The following C17orf67 variants were observed in gnomAD, a reference collection of about 807,000 sequenced individuals.
C17orf67 encodes the protein uncharacterized protein C17orf67.
In C17orf67, 12 loss-of-function variants were observed where a neutral mutation model predicts 11.2. The ratio of observed to expected loss-of-function variants is 1.07; its 90% CI spans 0.68 to 1.73. The LOEUF (loss-of-function observed/expected upper bound fraction) is 1.73, where lower values mean the gene tolerates loss of function less well. Among genes scored for constraint, C17orf67 ranks in the 40% most tolerant of loss-of-function variants. The probability of loss-of-function intolerance (pLI) is 0.00; values close to 1 mark genes in which losing one functional copy is unlikely to be tolerated. For synonymous variants in C17orf67, 59 were observed against 46.9 expected (o/e 1.26, Z -1.05); for missense variants, 115 against 113.5 (o/e 1.01, Z -0.06).
At chr17:56,815,027 C>T (rs1905725234) in intron 5 of C17orf67, 58 bp from the exon 6 acceptor site, 1 of 1,397,426 alleles carries the variant, frequency 7.2e-7, no homozygotes, top group Non-Finnish European at 1.0e-6. Context: ...CATGAGCCAT[C>T]TCAACAGTCC....
intron 6 of C17orf67, among the ~76,000 whole-genome samples, chr17:56,806,721 G>C (rs1335227068): frequency 2.0e-5 from 3 of 152,204 alleles, no homozygotes; most frequent in Non-Finnish European, 4.4e-5. Context: ...GAGTAAGACA[G>C]GAAGTCATTG....
intron 4 of C17orf67, among the ~76,000 whole-genome samples, chr17:56,823,528 G>T (rs1905955182): frequency 1.3e-5 from 2 of 152,056 alleles, no homozygotes; most frequent in African/African-American, 4.8e-5. Context: ...TGTAAAAAAG[G>T]AATGTTCAGA....
intron 6 of C17orf67, among the ~76,000 whole-genome samples, chr17:56,808,774 A>G (rs2144126051): frequency 6.6e-6 from 1 of 152,276 alleles, no homozygotes; most frequent in Non-Finnish European, 1.5e-5. Context: ...ACAGAAGCCA[A>G]CCTCTGCCAA....
intron 4 of C17orf67, among the ~76,000 whole-genome samples, chr17:56,823,660 G>C (rs1905959041): frequency 6.6e-6 from 1 of 151,342 alleles, no homozygotes; most frequent in South Asian, 2.1e-4. Flanking sequence ...AAATGAGGAG[G>C]AAAGTTTTAA....
At chr17:56,808,121 T>A (rs2144125370) in intron 6 of C17orf67, among the ~76,000 whole-genome samples, 1 of 152,204 alleles carries the variant, frequency 6.6e-6, no homozygotes, top group East Asian at 1.9e-4. Context: ...CCAATTTCTC[T>A]ACCCCTGCCA....
chr17:56,821,865 A>C (rs140293096), intron 4 of C17orf67, among the ~76,000 whole-genome samples: 55 of 152,346 alleles, frequency 3.6e-4, no homozygotes, highest in African/African-American at 1.3e-3. Flanking sequence ...GGTGGCAGAC[A>C]TGACACTAAC....
At chr17:56,807,242 G>A (rs999958024) in intron 6 of C17orf67, among the ~76,000 whole-genome samples, 4 of 152,166 alleles carry the variant, frequency 2.6e-5, no homozygotes, top group Admixed American at 6.5e-5. Flanking sequence ...AAGCCTGGGC[G>A]AGGCATGCTG....
intron 6 of C17orf67, among the ~76,000 whole-genome samples, chr17:56,806,483 T>C (rs1275395911): frequency 6.6e-6 from 1 of 152,222 alleles, no homozygotes; most frequent in Non-Finnish European, 1.5e-5. Flanking sequence ...CTTTTAGAAA[T>C]TTACATGCAT....
chr17:56,800,364 A>G lies in C17orf67; in HGVS notation c.157-5184T>C, dbSNP rs1362500038. 2.6e-5 allele frequency among the ~76,000 whole-genome samples: 4 copies of G among 152,082 alleles called. No homozygotes were observed. In the East Asian group the frequency reaches 7.7e-4, roughly 29 times the overall value. ...ACAGGCGTGAGCCACTGCGCCCGGC[A>G]GCAAAGTGATATATTTTTTTAATTT... On this transcript the variant is annotated intron_variant, in intron 6 of 7. Coordinates refer to ENST00000397861, the MANE Select transcript of C17orf67 (RefSeq NM_001085430.4).
intron 7 of C17orf67, among the ~76,000 whole-genome samples, chr17:56,793,928 C>G (rs1440533334): frequency 6.6e-6 from 1 of 152,204 alleles, no homozygotes; most frequent in Admixed American, 6.5e-5. Flanking sequence ...AGCAGAACTT[C>G]TATTCCACTG....
chr17:56,799,476 T>G (rs1421992389), intron 6 of C17orf67, among the ~76,000 whole-genome samples: 1 of 152,242 alleles, frequency 6.6e-6, no homozygotes, highest in Non-Finnish European at 1.5e-5. Flanking sequence ...ATTTATTCAT[T>G]CACCTGGACA....
At chr17:56,811,443 C>T (rs1230504433) in intron 6 of C17orf67, among the ~76,000 whole-genome samples, 3 of 152,152 alleles carry the variant, frequency 2.0e-5, no homozygotes, top group Non-Finnish European at 2.9e-5. Context: ...GGGAAGCCTT[C>T]CCAGCCTCCC....
At chr17:56,817,752 C>T (rs916686091) in intron 4 of C17orf67, among the ~76,000 whole-genome samples, 1 of 152,098 alleles carries the variant, frequency 6.6e-6, no homozygotes, top group East Asian at 1.9e-4. Context: ...AATTACTGCA[C>T]CTGGCCCATT....
chr17:56,800,463 T>C (rs1222040829), intron 6 of C17orf67, among the ~76,000 whole-genome samples: 3 of 152,168 alleles, frequency 2.0e-5, no homozygotes, highest in African/African-American at 4.8e-5. Flanking sequence ...GATTCCTTAA[T>C]ATGGCTAAGG....
intron 4 of C17orf67, among the ~76,000 whole-genome samples, chr17:56,819,510 T>A (rs1379259484): frequency 2.6e-5 from 4 of 152,150 alleles, no homozygotes; most frequent in African/African-American, 9.7e-5. Context: ...TAAGGCAACC[T>A]CTGGTGGACT....
At chr17:56,829,834 G>C (rs1390920054) in intron 2 of C17orf67, among the ~76,000 whole-genome samples, 6 of 152,084 alleles carry the variant, frequency 3.9e-5, no homozygotes. Context: ...TCATCAAACT[G>C]CATTTCTCAA....
chr17:56,822,235 G>T (rs1038080077), intron 4 of C17orf67, among the ~76,000 whole-genome samples: 1 of 152,212 alleles, frequency 6.6e-6, no homozygotes, highest in Non-Finnish European at 1.5e-5. Context: ...CTAATGGGAT[G>T]GTTAGTGTGT....
Position 56,792,177 on chromosome 17 carries a change from C to A in C17orf67, c.*196G>T, listed in dbSNP as rs1054290256. On this transcript the variant is annotated 3_prime_UTR_variant, in exon 8 of 8. Transcript: ENST00000397861. ...GCTTTAAGCTATTGGTTTTAGTGAT[C>A]TATGCAGGTTAGTAAAATGAAGCAG... 1 of 152,146 alleles carries A rather than the reference C, an allele frequency of 6.6e-6. No homozygotes were observed. Among genetic ancestry groups the A allele is most frequent in the Non-Finnish European group, 1.5e-5 (1 of 68,024 alleles). 9.4% of individuals were successfully genotyped at this position (152,146 alleles called of 1,614,324 possible). A position where few individuals can be genotyped will look rare whatever the true frequency, so the allele number is the denominator to read the frequency against.
intron 2 of C17orf67, among the ~76,000 whole-genome samples, chr17:56,832,609 T>C (rs1906246326): frequency 6.6e-6 from 1 of 152,152 alleles, no homozygotes; most frequent in Admixed American, 6.6e-5. Flanking sequence ...CACTGTCGCC[T>C]AACCTTACTT....
Sources: allele counts gnomAD v4.1 joint callset (sites outside exome capture counted in the v4.1 genomes callset), GRCh38; gene constraint gnomAD v4.1.1; transcripts MANE v1.5; gene names NCBI Gene and HGNC (gene_info 2026-07-23, HGNC 2026-07-21).